Variants in GPC6 observed in about 807,000 individuals in gnomAD.
The protein encoded by GPC6 is glypican-6.
A neutral mutation model predicts 55.2 loss-of-function variants in GPC6; 14 were observed. That is an observed-to-expected ratio of 0.25 (90% CI 0.17 to 0.40). GPC6 has a LOEUF of 0.40. Ranked by LOEUF, GPC6 falls within the 10% of genes least tolerant of loss-of-function variation. The probability of loss-of-function intolerance (pLI) is 1.00; values close to 1 mark genes in which losing one functional copy is unlikely to be tolerated. For missense variants in GPC6, 641 were observed against 708.5 expected, an observed-to-expected ratio of 0.90 and a Z score of 1.08; for synonymous variants, 278 against 259.6, an observed-to-expected ratio of 1.07 and a Z score of -0.68.
At chr13:93,233,126 T>C (rs1448417141) in intron 1 of GPC6, among the ~76,000 whole-genome samples, 3 of 152,184 alleles carry the variant, frequency 2.0e-5, no homozygotes, top group Non-Finnish European at 4.4e-5. Flanking sequence ...AATATTTTCA[T>C]AGATTTCTCC....
intron 4 of GPC6, among the ~76,000 whole-genome samples, chr13:94,265,694 G>A (rs1891780076): frequency 6.6e-6 from 1 of 152,174 alleles, no homozygotes; most frequent in African/African-American, 2.4e-5. Flanking sequence ...GGTAAAACTT[G>A]CAGAGAAGGA....
At chr13:94,020,755 G>T (rs745385366) in intron 3 of GPC6, among the ~76,000 whole-genome samples, 9 of 152,150 alleles carry the variant, frequency 5.9e-5, no homozygotes, top group Middle Eastern at 3.4e-3. Flanking sequence ...AACATATTCT[G>T]GGCATCCCAA....
In GPC6 at chr13:93,950,796, C is replaced by CT. The variant is rs879256541; in HGVS notation, c.712-76921dup. Among the ~76,000 whole-genome samples, 237 of 145,266 alleles carry CT rather than the reference C, an allele frequency of 1.6e-3. 1 individual carries two copies. The highest frequency in any genetic ancestry group is 3.7e-3 in the Admixed American group (53 of 14,428). On this transcript the variant is annotated intron_variant, in intron 3 of 8. Transcript: ENST00000377047. Reference sequence around the variant, plus strand: ...AAATGATTCTGAGGCTGGGAAATTTCTTTTTTTTTTTTATTGTCAAAGCTC... The same window carrying CT: ...AAATGATTCTGAGGCTGGGAAATTTCTTTTTTTTTTTTTATTGTCAAAGCTC...
intron 4 of GPC6, among the ~76,000 whole-genome samples, chr13:94,164,597 T>C (rs1888283935): frequency 6.6e-6 from 1 of 152,190 alleles, no homozygotes; most frequent in Non-Finnish European, 1.5e-5. Context: ...GGTTTTAAAA[T>C]GGCTATTAGT....
At chr13:93,487,510 C>T in intron 1 of GPC6, among the ~76,000 whole-genome samples, 1 of 151,978 alleles carries the variant, frequency 6.6e-6, no homozygotes, top group East Asian at 1.9e-4. Flanking sequence ...TTTAAGAAAC[C>T]CTTGGGTAAC....
chr13:93,732,189 C>T (rs1404124131), intron 2 of GPC6, among the ~76,000 whole-genome samples: 4 of 152,072 alleles, frequency 2.6e-5, no homozygotes, highest in Non-Finnish European at 5.9e-5. Context: ...CCACATGTCC[C>T]TGCAAATTTA....
At chr13:93,600,892 G>A (rs937259843) in intron 2 of GPC6, among the ~76,000 whole-genome samples, 3 of 143,782 alleles carry the variant, frequency 2.1e-5, no homozygotes, top group Non-Finnish European at 3.0e-5. Flanking sequence ...AGAGGTTGCA[G>A]TGAGCCGAGA....
intron 6 of GPC6, among the ~76,000 whole-genome samples, chr13:94,355,285 A>G (rs1259179865): frequency 6.7e-6 from 1 of 148,330 alleles, no homozygotes; most frequent in Non-Finnish European, 1.5e-5. Context: ...GGCCTCCCAA[A>G]GTGCTGGGAT....
At chr13:93,388,693 T>A (rs1875499956) in intron 1 of GPC6, among the ~76,000 whole-genome samples, 1 of 152,224 alleles carries the variant, frequency 6.6e-6, no homozygotes, top group Non-Finnish European at 1.5e-5. Flanking sequence ...TCCCCGTTAC[T>A]TTCTGTCAGC....
At chr13:94,402,383 A>G (rs1881177939) in intron 8 of GPC6, among the ~76,000 whole-genome samples, 1 of 152,226 alleles carries the variant, frequency 6.6e-6, no homozygotes, top group Non-Finnish European at 1.5e-5. Context: ...CCTCCCCTTG[A>G]GTCTGGGGTT....
intron 2 of GPC6, among the ~76,000 whole-genome samples, chr13:93,802,114 A>G (rs372280335): frequency 2.0e-5 from 3 of 152,132 alleles, no homozygotes; most frequent in African/African-American, 7.2e-5. Flanking sequence ...TAATTATGAC[A>G]GTTGTTTTTT....
chr13:93,766,097 G>C (rs1885122434), intron 2 of GPC6, among the ~76,000 whole-genome samples: 1 of 152,088 alleles, frequency 6.6e-6, no homozygotes, highest in South Asian at 2.1e-4. Flanking sequence ...GCAAAGAAAA[G>C]GCTATGTTTT....
intron 6 of GPC6, among the ~76,000 whole-genome samples, chr13:94,357,905 T>C (rs572849596): frequency 6.6e-5 from 10 of 151,906 alleles, no homozygotes; most frequent in African/African-American, 2.4e-4. Flanking sequence ...AACCGATGTC[T>C]TTTCATCTTT....
chr13:93,854,738 T>G (rs905672420), intron 3 of GPC6, among the ~76,000 whole-genome samples: 2 of 151,812 alleles, frequency 1.3e-5, no homozygotes, highest in Non-Finnish European at 2.9e-5. Flanking sequence ...ACATTATTTG[T>G]ATCACTTTTT....
intron 2 of GPC6, among the ~76,000 whole-genome samples, chr13:93,556,432 A>ATG (rs1216311366): frequency 7.0e-6 from 1 of 141,898 alleles, no homozygotes; most frequent in East Asian, 2.0e-4. Flanking sequence ...ATATATATAT[A>ATG]TTTTGGGGGT....
intron 3 of GPC6, among the ~76,000 whole-genome samples, chr13:93,971,935 G>A (rs1880299048): frequency 6.6e-6 from 1 of 152,170 alleles, no homozygotes; most frequent in African/African-American, 2.4e-5. Context: ...CTCACGCTGG[G>A]CAGGAGGAGT....
Position 93,708,169 on chromosome 13 carries a change from CTTAA to C in GPC6, c.320-121980_320-121977del, listed in dbSNP as rs1262102827. Among the ~76,000 whole-genome samples, 11 of 151,608 alleles carry C rather than the reference CTTAA, an allele frequency of 7.3e-5. No individual in the cohort carries two copies. In the South Asian group the frequency reaches 1.7e-3, roughly 23 times the overall value. On this transcript the variant is annotated intron_variant, in intron 2 of 8. Coordinates refer to ENST00000377047, the MANE Select transcript of GPC6 (RefSeq NM_005708.5). ...AAGTCTAATTATTTACAAGATTTCCCTTAATTAAGTAACATATATGTGGGCACTT... is the reference window on the plus strand; with the variant it reads ...AAGTCTAATTATTTACAAGATTTCCCTTAAGTAACATATATGTGGGCACTT...
intron 3 of GPC6, among the ~76,000 whole-genome samples, chr13:93,938,643 T>G (rs1173776406): frequency 6.6e-6 from 1 of 152,196 alleles, no homozygotes; most frequent in Non-Finnish European, 1.5e-5. Context: ...TCTTCCTTGA[T>G]GTTCTAAGAG....
At chr13:94,086,319 A>G (rs755356501) in intron 4 of GPC6, among the ~76,000 whole-genome samples, 9 of 152,106 alleles carry the variant, frequency 5.9e-5, no homozygotes, top group Non-Finnish European at 1.2e-4. Context: ...AAATGGGTTC[A>G]CCTTCCCCGG....
Sources: gnomAD v4.1 joint callset for allele counts (sites outside exome capture counted in the v4.1 genomes callset) on GRCh38, gnomAD v4.1.1 for gene constraint, MANE v1.5 for transcripts, NCBI Gene and HGNC (gene_info 2026-07-23, HGNC 2026-07-21) for gene names.